Variants in HOXB3 observed in about 807,000 individuals in gnomAD.
HOXB3 encodes the protein homeobox B3, also known as homeobox protein Hox-B3.
In HOXB3, 17 loss-of-function variants were observed where a neutral mutation model predicts 29.2. That is an observed-to-expected ratio of 0.58 (90% CI 0.40 to 0.87). The LOEUF is 0.87. Ranked by LOEUF, HOXB3 falls within the 40% of genes least tolerant of loss-of-function variation. HOXB3 has a pLI of 0.00. For synonymous variants in HOXB3, 317 were observed against 285.9 expected, an observed-to-expected ratio of 1.11 and a Z score of -1.10; for missense variants, 637 against 616.3, an observed-to-expected ratio of 1.03 and a Z score of -0.35.
Position 48,550,207 on chromosome 17 carries a change from C to G in HOXB3, c.*127G>C, listed in dbSNP as rs756683710. ...AGGGGGAAGGGAAGGAGCTCCAGGC[C>G]GGTTCTGACCAGGAAGCCTGGGTAC... On this transcript the variant is annotated 3_prime_UTR_variant, in exon 5 of 5. Transcript: ENST00000498678. The G allele has an allele frequency of 9.4e-6, 12 of 1,275,064 alleles. No individual in the cohort carries two copies. The highest frequency in any genetic ancestry group is 1.3e-5 in the Non-Finnish European group (12 of 927,736). The allele number at this position is 1,275,064 out of a possible 1,614,324, so 79.0% of individuals were successfully genotyped here. A position where few individuals can be genotyped will look rare whatever the true frequency, so the allele number is the denominator to read the frequency against.
At chr17:48,581,024 C>G (rs1450950265) in intron 1 of HOXB3, 1 of 152,184 alleles carries the variant, frequency 6.6e-6, no homozygotes, top group Admixed American at 6.5e-5. Flanking sequence ...ACTCAACTCC[C>G]TAGGTCTGAG....
At chr17:48,558,955 G>A (rs559445772) in intron 2 of HOXB3, among the ~76,000 whole-genome samples, 2 of 151,908 alleles carry the variant, frequency 1.3e-5, no homozygotes, top group East Asian at 1.9e-4. Flanking sequence ...GAGAGAGAGA[G>A]AGAAAGGAGG....
chr17:48,555,577 C>T lies in HOXB3; in HGVS notation c.-205G>A. ...AACAGGCAGACATAATATATATTCA[C>T]ATCGAGCCCCAGAGCGAGCGGCAGG... On this transcript the variant is annotated 5_prime_UTR_variant, in exon 3 of 5. It adds an upstream start codon to the 5' untranslated region. Coordinates refer to ENST00000498678, the MANE Select transcript of HOXB3 (RefSeq NM_001384749.1). 1 of 702,790 alleles carries T rather than the reference C, an allele frequency of 1.4e-6. No homozygotes were observed. Among genetic ancestry groups the T allele is most frequent in the Non-Finnish European group, 2.6e-6 (1 of 384,820 alleles). 43.5% of individuals were successfully genotyped at this position (702,790 alleles called of 1,614,324 possible).
chr17:48,582,863 G>C (rs749728238), intron 1 of HOXB3, among the ~76,000 whole-genome samples: 7 of 152,230 alleles, frequency 4.6e-5, no homozygotes, highest in Non-Finnish European at 1.0e-4. Flanking sequence ...GGGTTCCAGA[G>C]AGAGTGTGGG....
At chr17:48,577,757 G>C in intron 1 of HOXB3, 1 of 1,012,020 alleles carries the variant, frequency 9.9e-7, no homozygotes. Context: ...TTTATAGCGG[G>C]GACAATTGGC....
chr17:48,586,464 C>G (rs759813872), intron 1 of HOXB3, among the ~76,000 whole-genome samples: 2 of 152,238 alleles, frequency 1.3e-5, no homozygotes, highest in African/African-American at 4.8e-5. Flanking sequence ...GCGGTGTGGC[C>G]GGCGGCGCGT....
chr17:48,577,871 A>T (rs761617649), intron 1 of HOXB3: 1 of 1,399,466 alleles, frequency 7.1e-7, no homozygotes, highest in South Asian at 1.9e-5. Context: ...ACCCGTGCTC[A>T]CGTGAACTTT....
chr17:48,576,673 T>G, intron 1 of HOXB3: 3 of 280,032 alleles, frequency 1.1e-5, no homozygotes, highest in South Asian at 4.6e-5. Context: ...TCCCCTGCAC[T>G]CACTGCCCAC....
chr17:48,572,718 G>A (rs2069625259), intron 2 of HOXB3, among the ~76,000 whole-genome samples: 1 of 152,160 alleles, frequency 6.6e-6, no homozygotes. Flanking sequence ...CCCCCAGTGG[G>A]CAGTAATAGA....
rs565883037 is a variant in HOXB3 at position 48,550,323 on chromosome 17, G to T, written c.*11C>A. ...CCTCCCCATCCCCTAATCCTCGTTC[G>T]CCCTTTCCCATCACAGGTGTGTTAA... On this transcript the variant is annotated 3_prime_UTR_variant, in exon 5 of 5. Transcript: ENST00000498678. 2 of 1,613,686 alleles carry T rather than the reference G, an allele frequency of 1.2e-6. No homozygotes were observed. The highest frequency in any genetic ancestry group is 2.7e-5 in the African/African-American group (2 of 75,032).
chr17:48,550,146 C>T lies in HOXB3; in HGVS notation c.*188G>A. 1.5e-6 allele frequency: 1 copy of T among 669,994 alleles called. No homozygotes were observed. 41.5% of individuals were successfully genotyped at this position (669,994 alleles called of 1,614,324 possible). A position where few individuals can be genotyped will look rare whatever the true frequency, so the allele number is the denominator to read the frequency against. On this transcript the variant is annotated 3_prime_UTR_variant, in exon 5 of 5. Coordinates refer to ENST00000498678, the MANE Select transcript of HOXB3 (RefSeq NM_001384749.1). ...CCGATGGGTTGGCAGGCAGATGGAA[C>T]AAGGGGTGGAAGACTTAAAAGCAAC...
chr17:48,565,464 C>G (rs763573578), intron 2 of HOXB3, among the ~76,000 whole-genome samples: 16 of 152,194 alleles, frequency 1.1e-4, no homozygotes, highest in Non-Finnish European at 2.1e-4. Flanking sequence ...AGGGTTTGGG[C>G]TTTTTTTCTG....
intron 2 of HOXB3, among the ~76,000 whole-genome samples, chr17:48,558,870 T>A (rs1407075585): frequency 1.3e-5 from 2 of 151,938 alleles, no homozygotes; most frequent in African/African-American, 4.8e-5. Flanking sequence ...GAACAATTTC[T>A]TCTTGGATTT....
At chr17:48,576,498 A>C in intron 1 of HOXB3, 1 of 381,162 alleles carries the variant, frequency 2.6e-6, no homozygotes, top group East Asian at 3.7e-5. Context: ...AAGAGATTTG[A>C]ATCTTGCTTC....
chr17:48,552,648 A>G lies in HOXB3; in HGVS notation c.-158-16T>C. 3.5e-6 allele frequency: 2 copies of G among 564,940 alleles called. No individual in the cohort carries two copies. Among genetic ancestry groups the G allele is most frequent in the Non-Finnish European group, 6.2e-6 (2 of 320,794 alleles). The allele number at this position is 564,940 out of a possible 1,614,324, so 35.0% of individuals were successfully genotyped here. A position where few individuals can be genotyped will look rare whatever the true frequency, so the allele number is the denominator to read the frequency against. On this transcript the variant is annotated splice_polypyrimidine_tract_variant and intron_variant, in intron 3 of 4. Coordinates refer to ENST00000498678, the MANE Select transcript of HOXB3 (RefSeq NM_001384749.1). The stretch of plus-strand genomic sequence containing the variant: ...AGCGGCTGACCTGCGAGGCGAGAGA[A>G]GAGACACAAGGGGGAGAAGAGGACT...
At chr17:48,588,975 T>G (rs1290118786) in intron 1 of HOXB3, among the ~76,000 whole-genome samples, 1 of 152,154 alleles carries the variant, frequency 6.6e-6, no homozygotes, top group East Asian at 1.9e-4. Context: ...GTGAGCTGAA[T>G]CAAGGGATGG....
chr17:48,560,269 CCT>C (rs2069148280), intron 2 of HOXB3: 1 of 152,254 alleles, frequency 6.6e-6, no homozygotes, highest in African/African-American at 2.4e-5. Context: ...CTCCCAGTGA[CCT>C]CTGTTTAGCA....
intron 2 of HOXB3, among the ~76,000 whole-genome samples, chr17:48,569,764 C>T (rs1302028602): frequency 2.0e-5 from 3 of 152,152 alleles, no homozygotes; most frequent in African/African-American, 7.2e-5. Flanking sequence ...GCTTTATTCT[C>T]GTTTTGATCT....
At chr17:48,564,783 C>G (rs939891292) in intron 2 of HOXB3, among the ~76,000 whole-genome samples, 1 of 152,150 alleles carries the variant, frequency 6.6e-6, no homozygotes, top group Non-Finnish European at 1.5e-5. Flanking sequence ...GAGTTCTGGG[C>G]AGGACAGGAG....
Sources: gnomAD v4.1 joint callset for allele counts (sites outside exome capture counted in the v4.1 genomes callset) on GRCh38, gnomAD v4.1.1 for gene constraint, MANE v1.5 for transcripts, NCBI Gene and HGNC (gene_info 2026-07-23, HGNC 2026-07-21) for gene names.